Variants in MTM1 observed in about 807,000 individuals in gnomAD.
The protein encoded by MTM1 is myotubularin.
A neutral mutation model predicts 52.1 loss-of-function variants in MTM1; 9 were observed. The ratio of observed to expected loss-of-function variants is 0.17; its 90% CI spans 0.10 to 0.30. MTM1 has a LOEUF of 0.30. MTM1 is among the 10% of genes least tolerant of loss of function. The pLI, the probability that MTM1 is intolerant of heterozygous loss-of-function variation, is 1.00. For synonymous variants in MTM1, 136 were observed against 163.8 expected (o/e 0.83, Z 1.29); for missense variants, 277 against 470.7 (o/e 0.59, Z 3.81).
chrX:150,603,953 G>A (rs1242898283), intron 4 of MTM1, among the ~76,000 whole-genome samples: 2 of 112,073 alleles, frequency 1.8e-5, no homozygotes, highest in Non-Finnish European at 3.8e-5. Flanking sequence ...TTTGGATAAA[G>A]GGCTGTGATG....
At position 150,657,865 on chromosome X, in the gene MTM1, A is replaced by G; in HGVS notation, c.1098A>G (p.Ser366=). ...TTCAAGTAGCAGACAAAGTTTCTTCAGGGAAGAGTTCAGTGCTTGTGCATT... is the reference window on the plus strand; with the variant it reads ...TTCAAGTAGCAGACAAAGTTTCTTCGGGGAAGAGTTCAGTGCTTGTGCATT... ...GAIQVADKVS[S]GKSSVLVHCS... Residue 366 remains serine, a synonymous_variant, in exon 11 of 15, where the codon TCA becomes TCG. Coordinates refer to ENST00000370396, the MANE Select transcript of MTM1 (RefSeq NM_000252.3). 4 of 1,211,873 alleles carry G rather than the reference A, an allele frequency of 3.3e-6. No homozygotes were observed. Among genetic ancestry groups the G allele is most frequent in the Non-Finnish European group, 4.5e-6 (4 of 895,545 alleles).
chrX:150,653,350 C>T (rs2040059323), intron 10 of MTM1, among the ~76,000 whole-genome samples: 1 of 111,898 alleles, frequency 8.9e-6, no homozygotes. Context: ...TTCCCCTCTT[C>T]TGTCTGTATG....
intron 1 of MTM1, among the ~76,000 whole-genome samples, chrX:150,583,380 TA>T (rs2038652504): frequency 2.9e-4 from 6 of 20,389 alleles, no homozygotes; most frequent in Admixed American, 1.2e-3. Flanking sequence ...ATATATTATA[TA>T]TAATATAATA....
the MTM1 span, among the ~76,000 whole-genome samples, chrX:150,563,170 C>T: frequency 9.1e-6 from 1 of 110,165 alleles, no homozygotes; most frequent in African/African-American, 3.3e-5. Flanking sequence ...CCACTCTCTC[C>T]CCTTCAAGAC....
upstream of MTM1, among the ~76,000 whole-genome samples, chrX:150,565,796 T>TG (rs1386585539): frequency 4.5e-5 from 5 of 111,615 alleles, no homozygotes; most frequent in Non-Finnish European, 9.4e-5. Flanking sequence ...GGGAGGACTC[T>TG]GGGGGAGAGG....
chrX:150,570,249 GAT>G (rs2038345071), intron 1 of MTM1, among the ~76,000 whole-genome samples: 1 of 111,218 alleles, frequency 9.0e-6, no homozygotes, highest in Admixed American at 9.5e-5. Context: ...AATAAACAAT[GAT>G]ATATTTTCTG....
At chrX:150,582,619 A>G (rs1260540266) in intron 1 of MTM1, among the ~76,000 whole-genome samples, 1 of 111,507 alleles carries the variant, frequency 9.0e-6, no homozygotes, top group African/African-American at 3.3e-5. Context: ...GCACCATGTG[A>G]AAACACAGAC....
chrX:150,609,096 G>C (rs2039227759), intron 4 of MTM1, among the ~76,000 whole-genome samples: 1 of 111,431 alleles, frequency 9.0e-6, no homozygotes, highest in African/African-American at 3.3e-5. Flanking sequence ...CAAAGTGCTG[G>C]TATTACAGGC....
intron 13 of MTM1, among the ~76,000 whole-genome samples, chrX:150,661,959 CAG>C (rs1186596885): frequency 8.9e-6 from 1 of 111,941 alleles, no homozygotes; most frequent in Non-Finnish European, 1.9e-5. Flanking sequence ...TATGAGGTGA[CAG>C]ATGTTAATTA....
upstream of MTM1, among the ~76,000 whole-genome samples, chrX:150,564,921 C>T (rs187293866): frequency 1.9e-3 from 207 of 111,602 alleles, no homozygotes; most frequent in African/African-American, 6.1e-3. Context: ...CTTTGCAGTT[C>T]TCCTAGATTC....
At chrX:150,631,618 G>A (rs1669068354) in intron 6 of MTM1, among the ~76,000 whole-genome samples, 1 of 86,406 alleles carries the variant, frequency 1.2e-5, no homozygotes, top group African/African-American at 4.6e-5. Flanking sequence ...AGCCGAGATT[G>A]CTCCACTGCA....
chrX:150,583,134 T>C (rs1419492530), intron 1 of MTM1, among the ~76,000 whole-genome samples: 1 of 80,488 alleles, frequency 1.2e-5, no homozygotes, highest in East Asian at 3.7e-4. Flanking sequence ...TTATATATTA[T>C]ATAAATTATA....
At chrX:150,621,048 G>C (rs782388071) in intron 6 of MTM1, among the ~76,000 whole-genome samples, 2 of 104,218 alleles carry the variant, frequency 1.9e-5, no homozygotes, top group African/African-American at 3.5e-5. Context: ...AACCCGGGAG[G>C]CAGAGGTTGC....
intron 8 of MTM1, among the ~76,000 whole-genome samples, chrX:150,642,231 T>C (rs1363859751): frequency 3.6e-5 from 4 of 111,495 alleles, no homozygotes; most frequent in Non-Finnish European, 7.5e-5. Context: ...CAGCCTAATA[T>C]GAATTGTAAT....
chrX:150,617,908 G>A (rs782171597), intron 5 of MTM1, among the ~76,000 whole-genome samples: 16 of 111,347 alleles, frequency 1.4e-4, no homozygotes, highest in Non-Finnish European at 2.3e-4. Flanking sequence ...CCATCACTCA[G>A]TCACAGCACT....
chrX:150,565,663 A>T (rs1456836834), upstream of MTM1, among the ~76,000 whole-genome samples: 1 of 111,329 alleles, frequency 9.0e-6, no homozygotes, highest in South Asian at 3.8e-4. Context: ...GAAGCCAACC[A>T]AATCCAGAGT....
chrX:150,571,495 G>A (rs1405172992), intron 1 of MTM1, among the ~76,000 whole-genome samples: 6 of 112,184 alleles, frequency 5.3e-5, no homozygotes, highest in African/African-American at 1.3e-4. Context: ...TTCTCAAAGG[G>A]TTGCTGGAGG....
chrX:150,571,358 A>G (rs781837140), intron 1 of MTM1, among the ~76,000 whole-genome samples: 4 of 111,317 alleles, frequency 3.6e-5, no homozygotes, highest in Non-Finnish European at 5.7e-5. Flanking sequence ...GAAGATTTTG[A>G]CTCTGGATTG....
rs782610027 is a variant in MTM1 at position 150,598,402 on chromosome X, T to C, written c.137-190T>C. Among the ~76,000 whole-genome samples, 52 of 112,308 alleles carry C rather than the reference T, an allele frequency of 4.6e-4. 1 individual carries two copies. Among genetic ancestry groups the C allele is most frequent in the African/African-American group, 1.6e-3 (50 of 30,925 alleles). On this transcript the variant is annotated intron_variant, in intron 3 of 14. Transcript: ENST00000370396. ...CCTGGAGGTGGTGTGGCCCCACTAGTTCTCCCACTACCCCAACTCAACCCA... is the reference window on the plus strand; with the variant it reads ...CCTGGAGGTGGTGTGGCCCCACTAGCTCTCCCACTACCCCAACTCAACCCA...
Sources: gnomAD v4.1 joint callset for allele counts (sites outside exome capture counted in the v4.1 genomes callset) on GRCh38, gnomAD v4.1.1 for gene constraint, MANE v1.5 for transcripts, NCBI Gene and HGNC (gene_info 2026-07-23, HGNC 2026-07-21) for gene names.